Variants in ENTPD1 observed in about 807,000 individuals in gnomAD.
ENTPD1 encodes ATP diphosphohydrolase.
In ENTPD1, 33 loss-of-function variants were observed where a neutral mutation model predicts 57.0. That is an observed-to-expected ratio of 0.58 (90% CI 0.44 to 0.77). The LOEUF is 0.77. Among genes scored for constraint, ENTPD1 ranks in the 30% least tolerant of loss-of-function variants. The pLI, the probability that ENTPD1 is intolerant of heterozygous loss-of-function variation, is 0.00. For missense variants in ENTPD1, 501 were observed against 603.4 expected, an observed-to-expected ratio of 0.83 and a Z score of 1.78; for synonymous variants, 202 against 218.8, an observed-to-expected ratio of 0.92 and a Z score of 0.68.
At position 95,868,057 on chromosome 10, in the gene ENTPD1, A is replaced by G. The variant is rs1402217314; in HGVS notation, c.*1674A>G. ...GCTGTTGGTTGAGCATTTGTGGTGT[A>G]CCACGCTGTGTGCTCAAGGGTATTA... On this transcript the variant is annotated 3_prime_UTR_variant, in exon 10 of 10. Transcript: ENST00000371205. The G allele has an allele frequency of 1.0e-6, 1 of 985,008 alleles. No individual in the cohort carries two copies. Among genetic ancestry groups the G allele is most frequent in the African/African-American group, 1.7e-5 (1 of 57,246 alleles). The allele number at this position is 985,008 out of a possible 1,614,324, so 61.0% of individuals were successfully genotyped here.
intron 3 of ENTPD1, among the ~76,000 whole-genome samples, chr10:95,840,717 A>C (rs1459850560): frequency 1.3e-5 from 2 of 152,232 alleles, no homozygotes; most frequent in East Asian, 3.8e-4. Flanking sequence ...ATAATATGTT[A>C]GAGTGGTTGA....
intron 1 of ENTPD1, among the ~76,000 whole-genome samples, chr10:95,772,146 T>C (rs1474124350): frequency 6.6e-6 from 1 of 152,222 alleles, no homozygotes; most frequent in African/African-American, 2.4e-5. Context: ...AGTGGTACTC[T>C]TTTTGTTGGT....
chr10:95,830,598 G>C lies in ENTPD1; in HGVS notation c.144+7234G>C, dbSNP rs549405904. Among the ~76,000 whole-genome samples the C allele has an allele frequency of 6.6e-5, 10 of 152,238 alleles. No individual in the cohort carries two copies. The East Asian group carries it at 1.7e-3, about 27-fold the overall frequency. The stretch of plus-strand genomic sequence containing the variant: ...AGGCCGGCAGATCACTTGAGGTCAG[G>C]AGTTCGACACCAGCCTGGCCAACAT... On this transcript the variant is annotated intron_variant, in intron 2 of 9. Transcript: ENST00000371205.
chr10:95,743,606 A>T (rs1453361188), intron 1 of ENTPD1, among the ~76,000 whole-genome samples: 1 of 152,160 alleles, frequency 6.6e-6, no homozygotes, highest in African/African-American at 2.4e-5. Context: ...TCATAAATAC[A>T]CTAATAGTCT....
chr10:95,799,767 G>C (rs115832233), intron 1 of ENTPD1, among the ~76,000 whole-genome samples: 9 of 152,062 alleles, frequency 5.9e-5, no homozygotes, highest in Non-Finnish European at 2.9e-5. Flanking sequence ...GTGTATAAGC[G>C]TTCTTTTTTC....
At chr10:95,765,460 G>A (rs1327774983) in intron 1 of ENTPD1, among the ~76,000 whole-genome samples, 2 of 152,122 alleles carry the variant, frequency 1.3e-5, no homozygotes, top group Admixed American at 6.5e-5. Flanking sequence ...TTTCTCCAGT[G>A]AATTGTTTTG....
Position 95,854,035 on chromosome 10 carries a change from G to A in ENTPD1, c.1074+6329G>A, listed in dbSNP as rs184644293. Among the ~76,000 whole-genome samples the A allele has an allele frequency of 6.8e-3, 1,031 of 152,304 alleles. 4 individuals are homozygous for A. Among genetic ancestry groups the A allele is most frequent in the Middle Eastern group, 0.031 (9 of 294 alleles). On this transcript the variant is annotated intron_variant, in intron 7 of 9. Coordinates refer to ENST00000371205, the MANE Select transcript of ENTPD1 (RefSeq NM_001776.6). Reference sequence around the variant, plus strand: ...CCAGCTTCTCCTTGTATCTCTGGTAGAATTCGGCTGTGAATCCATCTGGTC... The same window carrying A: ...CCAGCTTCTCCTTGTATCTCTGGTAAAATTCGGCTGTGAATCCATCTGGTC...
intron 1 of ENTPD1, among the ~76,000 whole-genome samples, chr10:95,802,494 C>T (rs781266183): frequency 6.6e-6 from 1 of 151,870 alleles, no homozygotes; most frequent in Non-Finnish European, 1.5e-5. Flanking sequence ...TTCTAGGGTA[C>T]ATGTGCAGAA....
Position 95,869,246 on chromosome 10 carries a change from T to G in ENTPD1, c.*2863T>G. The G allele has an allele frequency of 2.5e-6, 1 of 402,246 alleles. No individual in the cohort carries two copies. The highest frequency in any genetic ancestry group is 3.2e-6 in the Non-Finnish European group (1 of 314,198). The allele number at this position is 402,246 out of a possible 1,614,324, so 24.9% of individuals were successfully genotyped here. A position where few individuals can be genotyped will look rare whatever the true frequency, so the allele number is the denominator to read the frequency against. ...AAGATCAGCAGAAGTCATTACTTTT[T>G]TTTTTTTTTTTTTTTTTTTTTGAGA... is the stretch of plus-strand genomic sequence containing the variant. On this transcript the variant is annotated 3_prime_UTR_variant, in exon 10 of 10. Transcript: ENST00000371205.
At chr10:95,709,054 A>G (rs978682925), upstream of ENTPD1, among the ~76,000 whole-genome samples, 1 of 152,152 alleles carries the variant, frequency 6.6e-6, no homozygotes, top group African/African-American at 2.4e-5. Flanking sequence ...CTATTTCATG[A>G]TAGATGAAGT....
chr10:95,758,002 C>CAAAAAAAAAAAAAAAAAAAAAAAAAAAA (rs57407553), intron 1 of ENTPD1, among the ~76,000 whole-genome samples: 7 of 26,394 alleles, frequency 2.7e-4, no homozygotes, highest in African/African-American at 2.9e-4. Flanking sequence ...GACACTGTCT[C>CAAAAAAAAAAAAAAAAAAAAAAAAAAAA]AAAAAAAAAA....
chr10:95,704,705 G>A, the ENTPD1 span, among the ~76,000 whole-genome samples: 15 of 151,996 alleles, frequency 9.9e-5, no homozygotes, highest in African/African-American at 2.4e-4. Context: ...AAGATAATAC[G>A]ATCCTGAGGT....
chr10:95,865,416 C>T (rs1394973459), intron 9 of ENTPD1, among the ~76,000 whole-genome samples: 4 of 152,184 alleles, frequency 2.6e-5, no homozygotes, highest in Non-Finnish European at 4.4e-5. Flanking sequence ...CTGCAGGTAT[C>T]CAGGAATAGA....
intron 1 of ENTPD1, among the ~76,000 whole-genome samples, chr10:95,788,123 A>G (rs1021957849): frequency 6.6e-6 from 1 of 152,236 alleles, no homozygotes; most frequent in Non-Finnish European, 1.5e-5. Context: ...TTGAGAAGGT[A>G]GGAGAAATGA....
intron 2 of ENTPD1, chr10:95,833,817 G>T: frequency 6.5e-6 from 1 of 153,006 alleles, no homozygotes; most frequent in South Asian, 1.8e-4. Context: ...ATCCTCTGGA[G>T]GGAGGAATGC....
intron 1 of ENTPD1, among the ~76,000 whole-genome samples, chr10:95,792,671 G>A (rs563998363): frequency 1.3e-5 from 2 of 152,266 alleles, no homozygotes; most frequent in Non-Finnish European, 2.9e-5. Flanking sequence ...ACAAACTCAA[G>A]GTTTGGAGAA....
intron 8 of ENTPD1, 74 bp downstream of exon 8, chr10:95,860,656 G>T: frequency 1.5e-6 from 2 of 1,300,802 alleles, no homozygotes; most frequent in South Asian, 2.4e-5. Flanking sequence ...ATGTGAGTCT[G>T]CTCTGAAACT....
At chr10:95,765,773 G>T (rs1334475300) in intron 1 of ENTPD1, among the ~76,000 whole-genome samples, 1 of 152,146 alleles carries the variant, frequency 6.6e-6, no homozygotes, top group Admixed American at 6.5e-5. Flanking sequence ...TCTATTTAGA[G>T]AATATTGCCA....
chr10:95,841,871 C>G (rs2098423384), intron 3 of ENTPD1, among the ~76,000 whole-genome samples: 1 of 152,206 alleles, frequency 6.6e-6, no homozygotes, highest in Non-Finnish European at 1.5e-5. Flanking sequence ...ACCTCAGAAA[C>G]TTTAAGGTGC....
Sources: allele counts gnomAD v4.1 joint callset (sites outside exome capture counted in the v4.1 genomes callset), GRCh38; gene constraint gnomAD v4.1.1; transcripts MANE v1.5; gene names NCBI Gene and HGNC (gene_info 2026-07-23, HGNC 2026-07-21).